SCLY: variants seen among roughly 807,000 people sequenced by gnomAD.
SCLY encodes the protein putative selenocysteine lyase.
A neutral mutation model predicts 50.1 loss-of-function variants in SCLY; 38 were observed. The ratio of observed to expected loss-of-function variants is 0.76; its 90% confidence interval spans 0.59 to 0.99. The LOEUF is 0.99. SCLY is among the 50% of genes least tolerant of loss of function. The pLI, the probability that SCLY is intolerant of heterozygous loss-of-function variation, is 0.00. For missense variants in SCLY, 600 were observed against 620.0 expected (o/e 0.97, Z 0.34); for synonymous variants, 243 against 249.4 (o/e 0.97, Z 0.24).
In SCLY at chr2:238,061,096, C is replaced by G. The variant is rs966670428; in HGVS notation, c.42C>G (p.Pro14=). ...AVAPGRDAPA[P]AASQPSGCGK... ...CGCCGGGGAGGGATGCGCCGGCACCCGCGGCGAGTCAGCCCAGCGGCTGCG... is the reference window on the plus strand; with the variant it reads ...CGCCGGGGAGGGATGCGCCGGCACCGGCGGCGAGTCAGCCCAGCGGCTGCG... Residue 14 remains proline, a synonymous_variant, in exon 1 of 12, where the codon CCC becomes CCG. Transcript: ENST00000254663. The G allele has an allele frequency of 5.0e-6, 7 of 1,403,252 alleles. No individual in the cohort carries two copies. The South Asian group carries it at 7.7e-5, about 15-fold the overall frequency. The allele number at this position is 1,403,252 out of a possible 1,614,324, so 86.9% of individuals were successfully genotyped here.
intron 4 of SCLY, among the ~76,000 whole-genome samples, chr2:238,070,431 G>A (rs2065116804): frequency 6.6e-6 from 1 of 152,168 alleles, no homozygotes; most frequent in African/African-American, 2.4e-5. Flanking sequence ...TGTAATCCTA[G>A]CACTTTGGGA....
intron 8 of SCLY, chr2:238,092,146 C>T (rs1181599122): frequency 6.6e-6 from 1 of 152,342 alleles, no homozygotes; most frequent in African/African-American, 2.4e-5. Context: ...AGTGCAGTGG[C>T]ACGACCTTGG....
At chr2:238,086,954 G>A (rs1050761361) in intron 7 of SCLY, among the ~76,000 whole-genome samples, 1 of 151,742 alleles carries the variant, frequency 6.6e-6, no homozygotes, top group Non-Finnish European at 1.5e-5. Flanking sequence ...GGGAGGCAGA[G>A]GTTGTGGTGA....
At chr2:238,097,168 CGGGCTGGGGT>C (rs1310621335) in intron 11 of SCLY, among the ~76,000 whole-genome samples, 26 of 5,514 alleles carry the variant, frequency 4.7e-3, no homozygotes, top group Admixed American at 0.019. Flanking sequence ...AGGGCTGGGG[CGGGCTGGGGT>C]GGGCTGGGGT....
chr2:238,065,167 C>G (rs1313999783), intron 2 of SCLY: 1 of 152,200 alleles, frequency 6.6e-6, no homozygotes, highest in Non-Finnish European at 1.5e-5. Flanking sequence ...CACTTGCGTA[C>G]AATTTACAGG....
chr2:238,091,557 A>G, intron 8 of SCLY: 14 of 332,144 alleles, frequency 4.2e-5, no homozygotes, highest in South Asian at 1.1e-4. Context: ...CACCATTCCC[A>G]AAGGCGTCGG....
rs1461086661 is a variant in SCLY, at chr2:238,099,251, T to C, written c.*896T>C. On this transcript the variant is annotated 3_prime_UTR_variant, in exon 12 of 12. Transcript: ENST00000254663. The stretch of plus-strand genomic sequence containing the variant: ...GCAGAGGATTCTTTTCTCAAAATGC[T>C]CTGGCATTTGGACACACATCACATG... 1.5e-5 allele frequency: 7 copies of C among 471,516 alleles called. No homozygotes were observed. The highest frequency in any genetic ancestry group is 2.6e-5 in the Non-Finnish European group (6 of 227,168). The allele number at this position is 471,516 out of a possible 1,614,324, so 29.2% of individuals were successfully genotyped here.
chr2:238,077,953 C>CTTTT (rs368187450), intron 4 of SCLY, among the ~76,000 whole-genome samples: 1 of 138,306 alleles, frequency 7.2e-6, no homozygotes. Flanking sequence ...TGTAGATTCT[C>CTTTT]TTTTTTTTTT....
Position 238,082,128 on chromosome 2 carries a change from G to A in SCLY, c.696G>A (p.Thr232=), listed in dbSNP as rs762674439. Reference sequence around the variant, plus strand: ...GGCTACCTCCCATCCTCGTGCACACGGATGCTGCACAGGCCTTGGGGAAGC... The same window carrying A: ...GGCTACCTCCCATCCTCGTGCACACAGATGCTGCACAGGCCTTGGGGAAGC... ...AAGLPPILVH[T]DAAQALGKQR... is the part of the protein sequence containing the mutation. The change falls in exon 6 of 12, where the codon ACG becomes ACA. Residue 232 remains threonine (T), a synonymous_variant. Transcript: ENST00000254663. 426 of 1,613,108 alleles carry A rather than the reference G, an allele frequency of 2.6e-4. No homozygotes were observed. Among genetic ancestry groups the A allele is most frequent in the Non-Finnish European group, 3.2e-4 (382 of 1,180,030 alleles).
chr2:238,064,548 C>T (rs1050056624), intron 2 of SCLY, 79 bp downstream of exon 2: 23 of 836,120 alleles, frequency 2.8e-5, no homozygotes, highest in Admixed American at 6.2e-5. Flanking sequence ...CACACCCACA[C>T]GTGACGGCTT....
chr2:238,075,051 T>C (rs2065159859), intron 4 of SCLY, among the ~76,000 whole-genome samples: 1 of 152,236 alleles, frequency 6.6e-6, no homozygotes, highest in Admixed American at 6.5e-5. Context: ...GTGGGTTTTT[T>C]ATAGATGGCC....
chr2:238,068,234 C>T (rs1301453019), intron 3 of SCLY, 69 bp downstream of exon 3: 4 of 1,145,504 alleles, frequency 3.5e-6, no homozygotes, highest in Admixed American at 2.5e-5. Flanking sequence ...AAAGTGATTT[C>T]CTTTTGCTAC....
At chr2:238,096,510 C>T (rs2065437955) in intron 10 of SCLY, among the ~76,000 whole-genome samples, 1 of 152,220 alleles carries the variant, frequency 6.6e-6, no homozygotes, top group Non-Finnish European at 1.5e-5. Context: ...AAGGAAGGAG[C>T]GGGTCAGGAC....
chr2:238,091,560 G>GA, intron 8 of SCLY: 28 of 313,424 alleles, frequency 8.9e-5, no homozygotes, highest in South Asian at 1.6e-4. Context: ...CATTCCCAAA[G>GA]GCGTCGGCAG....
intron 11 of SCLY, among the ~76,000 whole-genome samples, chr2:238,097,672 C>T (rs763750551): frequency 3.5e-4 from 53 of 152,114 alleles, no homozygotes; most frequent in African/African-American, 4.3e-4. Flanking sequence ...GAAAGGGACC[C>T]GGGTGTGATG....
At chr2:238,061,804 C>G (rs1308212298) in intron 1 of SCLY, among the ~76,000 whole-genome samples, 4 of 152,164 alleles carry the variant, frequency 2.6e-5, no homozygotes, top group Non-Finnish European at 5.9e-5. Context: ...CGCTGAGAAG[C>G]GCGGAGACCC....
At position 238,091,723 on chromosome 2, in the gene SCLY, G is replaced by A. The variant is rs553511089; in HGVS notation, c.921+469G>A. On this transcript the variant is annotated intron_variant, in intron 8 of 11. Coordinates refer to ENST00000254663, the MANE Select transcript of SCLY (RefSeq NM_016510.7). ...AAGGCAGAGGTACTGGTTACACCTCGGCGTCTGCAGGCTGCTCCCTCACTG... is the reference window on the plus strand; with the variant it reads ...AAGGCAGAGGTACTGGTTACACCTCAGCGTCTGCAGGCTGCTCCCTCACTG... 2.9e-3 allele frequency: 488 copies of A among 169,742 alleles called. 3 individuals are homozygous for A. The highest frequency in any genetic ancestry group is 4.8e-3 in the Non-Finnish European group (373 of 78,308). The allele number at this position is 169,742 out of a possible 1,614,324, so 10.5% of individuals were successfully genotyped here.
intron 10 of SCLY, among the ~76,000 whole-genome samples, chr2:238,095,116 T>C (rs1033813823): frequency 6.6e-6 from 1 of 152,108 alleles, no homozygotes; most frequent in African/African-American, 2.4e-5. Flanking sequence ...GGCAGGAGAA[T>C]TGCTTGAACC....
rs753014139 is a variant in SCLY at position 238,074,509 on chromosome 2, C to CT, written c.484+5035dup. On this transcript the variant is annotated intron_variant, in intron 4 of 11. Transcript: ENST00000254663. ...AGTTTAGTTTTGTTTTTTTGAGGCA[C>CT]TTTCGCTCTTGTTGTCCAGGCTGGA... Among the ~76,000 whole-genome samples the CT allele has an allele frequency of 2.0e-5, 3 of 152,184 alleles. 1 individual carries two copies. In the South Asian group the frequency reaches 6.2e-4, roughly 32 times the overall value.
Sources: allele counts gnomAD v4.1 joint callset (sites outside exome capture counted in the v4.1 genomes callset), GRCh38; gene constraint gnomAD v4.1.1; transcripts MANE v1.5; gene names NCBI Gene and HGNC (gene_info 2026-07-23, HGNC 2026-07-21).